OVCH1: variants seen among roughly 807,000 people sequenced by gnomAD.
OVCH1 encodes the protein ovochymase 1.
A neutral mutation model predicts 138.4 loss-of-function variants in OVCH1; 139 were observed. The ratio of observed to expected loss-of-function variants is 1.00; its 90% CI spans 0.87 to 1.16. The LOEUF is 1.16. OVCH1 is among the 50% of genes most tolerant of loss of function. The pLI is 0.00. For missense variants in OVCH1, 1,367 were observed against 1,357.9 expected (o/e 1.01, Z -0.11); for synonymous variants, 453 against 467.8 (o/e 0.97, Z 0.41).
At chr12:29,431,794 T>C (rs1941274005) in intron 27 of OVCH1, among the ~76,000 whole-genome samples, 1 of 152,140 alleles carries the variant, frequency 6.6e-6, no homozygotes, top group Admixed American at 6.5e-5. Flanking sequence ...ACATTAAAGG[T>C]TTTCTATGTT....
intron 26 of OVCH1, chr12:29,439,252 ACTTCT>A (rs1174933848): frequency 3.9e-6 from 5 of 1,269,228 alleles, no homozygotes; most frequent in Non-Finnish European, 5.1e-6. Context: ...TTATTTTGTC[ACTTCT>A]CTTATTTATT....
intron 3 of OVCH1, among the ~76,000 whole-genome samples, chr12:29,416,065 A>G (rs1475902040): frequency 8.2e-6 from 1 of 121,468 alleles, no homozygotes; most frequent in Non-Finnish European, 1.8e-5. Context: ...TATCCCTTAG[A>G]CCACAAAAAA....
intron 26 of OVCH1, among the ~76,000 whole-genome samples, chr12:29,435,352 G>A (rs924888125): frequency 2.6e-5 from 4 of 152,220 alleles, no homozygotes; most frequent in Middle Eastern, 3.4e-3. Flanking sequence ...ACAACATAGC[G>A]AGAACCTGTC....
intron 16 of OVCH1, 122 bp downstream of exon 16, chr12:29,471,680 C>T (rs1942512478): frequency 4.3e-6 from 5 of 1,161,854 alleles, no homozygotes; most frequent in Non-Finnish European, 4.7e-6. Context: ...GCAGAAGAAA[C>T]ACTAAAAGAA....
chr12:29,402,980 T>G, the OVCH1 span, among the ~76,000 whole-genome samples: 1 of 152,198 alleles, frequency 6.6e-6, no homozygotes. Flanking sequence ...CAAAGATTAT[T>G]AACCAGTTTC....
intron 4 of OVCH1, among the ~76,000 whole-genome samples, chr12:29,491,413 T>C (rs1943269467): frequency 6.6e-6 from 1 of 152,208 alleles, no homozygotes; most frequent in South Asian, 2.1e-4. Context: ...AGGCCAATTG[T>C]TCCGCACACC....
At chr12:29,429,248 T>G (rs1029968555) in intron 27 of OVCH1, among the ~76,000 whole-genome samples, 1 of 152,166 alleles carries the variant, frequency 6.6e-6, no homozygotes, top group Non-Finnish European at 1.5e-5. Flanking sequence ...TTAAAACATA[T>G]GGCATCTGGA....
At chr12:29,495,190 A>T in intron 4 of OVCH1, 95 bp downstream of exon 4, 2 of 1,196,232 alleles carry the variant, frequency 1.7e-6, no homozygotes, top group Non-Finnish European at 1.2e-6. Context: ...TAGCTATTCT[A>T]TTACTAGACA....
exon 25 of OVCH1, chr12:29,443,483 A>T: frequency 6.2e-7 from 1 of 1,603,598 alleles, no homozygotes; most frequent in South Asian, 1.1e-5. Flanking sequence ...TAAAGGGGCT[A>T]CTAATCTCCA....
At chr12:29,474,362 G>A (rs1221753066) in intron 14 of OVCH1, among the ~76,000 whole-genome samples, 2 of 152,104 alleles carry the variant, frequency 1.3e-5, no homozygotes, top group African/African-American at 4.8e-5. Context: ...ACTTCTCAAA[G>A]CCTCACTTCC....
In OVCH1 at chr12:29,444,885, G is replaced by T. The variant is rs563687148; in HGVS notation, c.2881+393C>A. Among the ~76,000 whole-genome samples, 149 of 150,806 alleles carry T rather than the reference G, an allele frequency of 9.9e-4. 1 individual carries two copies. The highest frequency in any genetic ancestry group is 7.4e-3 in the Admixed American group (113 of 15,192). On this transcript the variant is annotated intron_variant, in intron 23 of 27. Transcript: ENST00000318184. Reference sequence around the variant, plus strand: ...CTAATCTTTTATTACATCACTAAAAGAAAATTCTAATCAGAGATAATAAAT... The same window carrying T: ...CTAATCTTTTATTACATCACTAAAATAAAATTCTAATCAGAGATAATAAAT...
At chr12:29,409,495 C>T (rs1257654312), downstream of OVCH1, among the ~76,000 whole-genome samples, 2 of 151,996 alleles carry the variant, frequency 1.3e-5, no homozygotes, top group Admixed American at 6.6e-5. Context: ...CCCAGAGATT[C>T]TGGTATGTTG....
At chr12:29,417,561 A>G (rs1431344552) in intron 3 of OVCH1, among the ~76,000 whole-genome samples, 7 of 151,800 alleles carry the variant, frequency 4.6e-5, no homozygotes, top group African/African-American at 1.7e-4. Context: ...ATAAGATATT[A>G]TCAGTGGGGG....
At chr12:29,441,704 A>G (rs1190982939) in intron 25 of OVCH1, among the ~76,000 whole-genome samples, 2 of 152,288 alleles carry the variant, frequency 1.3e-5, no homozygotes, top group Non-Finnish European at 1.5e-5. Context: ...ATGGGAGAAA[A>G]TTTTCGCAAC....
At chr12:29,411,581 T>A (rs566670547), downstream of OVCH1, among the ~76,000 whole-genome samples, 3 of 152,266 alleles carry the variant, frequency 2.0e-5, no homozygotes, top group East Asian at 5.8e-4. Flanking sequence ...CAGACCCTGT[T>A]TGCCTGGGTA....
chr12:29,472,947 T>C, intron 15 of OVCH1, 82 bp downstream of exon 15: 1 of 1,233,184 alleles, frequency 8.1e-7, no homozygotes, highest in Non-Finnish European at 1.1e-6. Context: ...ATAGCCAATG[T>C]AAGATAAGGG....
In OVCH1 at chr12:29,465,133, A is replaced by C; in HGVS notation, c.1929+14T>G. 6.3e-7 allele frequency: 1 copy of C among 1,588,028 alleles called. No homozygotes were observed. The highest frequency in any genetic ancestry group is 8.6e-7 in the Non-Finnish European group (1 of 1,165,590). On this transcript the variant is annotated intron_variant, in intron 17 of 27. Transcript: ENST00000318184. ...AGATTACAGGCAGAATGACCTGTAA[A>C]AACATTTTTTCACCTGCTCTGTTGA...
At chr12:29,477,676 A>C in intron 9 of OVCH1, 198 bp from the exon 11 acceptor site, 4 of 1,382,430 alleles carry the variant, frequency 2.9e-6, no homozygotes, top group Non-Finnish European at 4.0e-6. Flanking sequence ...CCCCAGTCTC[A>C]CATGTCCAAA....
chr12:29,443,430 G>A (rs768342567), exon 25 of OVCH1: 1 of 1,611,484 alleles, frequency 6.2e-7, no homozygotes, highest in Non-Finnish European at 8.5e-7. Flanking sequence ...AAAGTTGTTG[G>A]CTTCATCGGG....
Sources: allele counts gnomAD v4.1 joint callset (sites outside exome capture counted in the v4.1 genomes callset), GRCh38; gene constraint gnomAD v4.1.1; transcripts MANE v1.5; gene names NCBI Gene and HGNC (gene_info 2026-07-23, HGNC 2026-07-21).